TAF4: variants seen among roughly 807,000 people sequenced by gnomAD.
TAF4 encodes the protein TATA-box binding protein associated factor 4.
TAF4 carries 9 observed loss-of-function variants against 90.3 expected under a neutral mutation model. The ratio of observed to expected loss-of-function variants is 0.10; its 90% CI spans 0.06 to 0.17. TAF4 has a LOEUF of 0.17. Ranked by LOEUF, TAF4 falls within the 10% of genes least tolerant of loss-of-function variation. The pLI is 1.00. For missense variants in TAF4, 1,351 were observed against 1,370.7 expected (o/e 0.99, Z 0.23); for synonymous variants, 818 against 638.9 (o/e 1.28, Z -4.23).
At chr20:62,040,966 G>C (rs1415568559) in intron 1 of TAF4, among the ~76,000 whole-genome samples, 1 of 152,242 alleles carries the variant, frequency 6.6e-6, no homozygotes, top group Non-Finnish European at 1.5e-5. Context: ...CAAATGTATA[G>C]CGTACATCCA....
At chr20:62,037,225 A>G (rs2055937328) in intron 1 of TAF4, among the ~76,000 whole-genome samples, 1 of 152,164 alleles carries the variant, frequency 6.6e-6, no homozygotes, top group Non-Finnish European at 1.5e-5. Flanking sequence ...GTCCCTTCTC[A>G]ACGCTTCTGT....
chr20:62,052,368 G>A (rs189143742), intron 1 of TAF4, among the ~76,000 whole-genome samples: 1 of 152,144 alleles, frequency 6.6e-6, no homozygotes, highest in Non-Finnish European at 1.5e-5. Flanking sequence ...CAAAGAAACT[G>A]TCCTTTGACC....
chr20:62,009,670 A>G (rs752936701), intron 4 of TAF4, among the ~76,000 whole-genome samples: 3 of 152,100 alleles, frequency 2.0e-5, no homozygotes, highest in Non-Finnish European at 4.4e-5. Flanking sequence ...TACACACTGA[A>G]CACAACAGTT....
chr20:62,012,971 G>T (rs2055788356), intron 2 of TAF4, 37 bp from the exon 3 acceptor site: 2 of 1,609,434 alleles, frequency 1.2e-6, no homozygotes, highest in Non-Finnish European at 1.7e-6. Flanking sequence ...ACGAGCGCAA[G>T]TAAAAGGAAT....
chr20:62,043,174 G>C (rs1315944211), intron 1 of TAF4, among the ~76,000 whole-genome samples: 2 of 152,122 alleles, frequency 1.3e-5, no homozygotes, highest in Admixed American at 6.5e-5. Flanking sequence ...AAATTAGCCC[G>C]GCATGGTGGC....
At chr20:61,988,604 CT>C (rs1255610571) in intron 14 of TAF4, among the ~76,000 whole-genome samples, 1 of 152,206 alleles carries the variant, frequency 6.6e-6, no homozygotes, top group East Asian at 1.9e-4. Context: ...TGAGCATCAT[CT>C]TTGATGAAGA....
chr20:61,989,457 A>C (rs1268491584), intron 14 of TAF4, among the ~76,000 whole-genome samples: 4 of 152,110 alleles, frequency 2.6e-5, no homozygotes, highest in African/African-American at 7.2e-5. Flanking sequence ...CCCACCAAAC[A>C]CAACAGGGGT....
intron 1 of TAF4, among the ~76,000 whole-genome samples, chr20:62,040,347 C>A (rs1475342617): frequency 6.6e-6 from 1 of 152,246 alleles, no homozygotes; most frequent in Non-Finnish European, 1.5e-5. Flanking sequence ...GCAGAAGTAT[C>A]CCGCCAAGGG....
intron 14 of TAF4, among the ~76,000 whole-genome samples, chr20:61,981,918 C>T (rs1250684844): frequency 6.9e-6 from 1 of 145,498 alleles, no homozygotes; most frequent in Non-Finnish European, 1.5e-5. Context: ...ACACCCCACC[C>T]GATAGGAGAC....
Position 62,064,771 on chromosome 20 carries a change from G to T in TAF4, c.1040C>A (p.Pro347His). ...GGGCGCCGCCTGCACCACCCTCTTGGGCGACTCGGCCTTGACCCCCGGCGC... is the reference window on the plus strand; with the variant it reads ...GGGCGCCGCCTGCACCACCCTCTTGTGCGACTCGGCCTTGACCCCCGGCGC... ...APAPGVKAES[P>H]KRVVQAAPPA... The change falls in exon 1 of 15, where the codon CCC becomes CAC. Residue 347 changes from proline to histidine, a missense_variant. Around this residue, in one of 9 missense-constraint regions of TAF4, gnomAD observed 782 missense variants for 536.6 expected, o/e 1.46. Transcript: ENST00000252996. 1 of 1,126,578 alleles carries T rather than the reference G, an allele frequency of 8.9e-7. No individual in the cohort carries two copies. Among genetic ancestry groups the T allele is most frequent in the South Asian group, 4.0e-5 (1 of 24,714 alleles). 69.8% of individuals were successfully genotyped at this position (1,126,578 alleles called of 1,614,324 possible).
At chr20:62,045,833 C>A (rs996553599) in intron 1 of TAF4, among the ~76,000 whole-genome samples, 3 of 152,208 alleles carry the variant, frequency 2.0e-5, no homozygotes, top group Non-Finnish European at 2.9e-5. Flanking sequence ...ACAGAACTGA[C>A]GCTCGGGGTA....
At chr20:62,030,942 A>G (rs552946494) in intron 1 of TAF4, among the ~76,000 whole-genome samples, 22 of 152,232 alleles carry the variant, frequency 1.4e-4, no homozygotes, top group Admixed American at 3.3e-4. Flanking sequence ...CACTTGCCCA[A>G]CTGCACCTGA....
At position 62,065,557 on chromosome 20, in the gene TAF4, G is replaced by A. The variant is rs1226129692; in HGVS notation, c.254C>T (p.Ala85Val). The stretch of plus-strand genomic sequence containing the variant: ...ACCTGCGGGGGGCGGCTCCGGCGCC[G>A]CTCCGGGCGCGCCCTCGGCGGGGGC... The part of the protein sequence containing the change: ...PAAPAEGAPG[A>V]APEPPPAGRA... Residue 85 changes from alanine to valine, a missense_variant, in exon 1 of 15, where the codon GCG becomes GTG. Ala to Val is a moderately conservative substitution (Grantham distance 64). Transcript: ENST00000252996. 1.1e-5 allele frequency: 11 copies of A among 977,730 alleles called. No individual in the cohort carries two copies. The African/African-American group carries it at 1.3e-4, about 11-fold the overall frequency. 60.6% of individuals were successfully genotyped at this position (977,730 alleles called of 1,614,324 possible). A position where few individuals can be genotyped will look rare whatever the true frequency, so the allele number is the denominator to read the frequency against.
rs2055745568 is a variant in TAF4, at chr20:62,006,457, C to T, written c.2223+53G>A. 2.2e-6 allele frequency: 3 copies of T among 1,361,342 alleles called. No homozygotes were observed. Among genetic ancestry groups the T allele is most frequent in the Admixed American group, 3.0e-5 (1 of 33,060 alleles). 84.3% of individuals were successfully genotyped at this position (1,361,342 alleles called of 1,614,324 possible). On this transcript the variant is annotated intron_variant, in intron 7 of 14. Coordinates refer to ENST00000252996, the MANE Select transcript of TAF4 (RefSeq NM_003185.4). The surrounding 1 kb of genome is among the most constrained non-coding windows in gnomAD (Gnocchi z 7.0). ...GTGGCCAATTTATCTAAGAAGCGGG[C>T]GGGAGCAGAGGCACGGTGGGCTGTG... is the stretch of plus-strand genomic sequence containing the variant.
intron 1 of TAF4, among the ~76,000 whole-genome samples, chr20:62,017,481 A>T (rs2055818662): frequency 6.9e-6 from 1 of 145,944 alleles, no homozygotes; most frequent in South Asian, 2.1e-4. Context: ...TACTAAAAAT[A>T]CAAAAAAAAA....
Position 62,014,603 on chromosome 20 carries a change from C to T in TAF4, c.1465G>A (p.Ala489Thr), listed in dbSNP as rs780891295. ...QAHAQPQTTM[A>T]PRPATPTSAP... Reference sequence around the variant, plus strand: ...CTTGTGGGGGTGGCAGGGCGAGGCGCCATGGTGGTCTGAGGCTGGGCATGG... The same window carrying T: ...CTTGTGGGGGTGGCAGGGCGAGGCGTCATGGTGGTCTGAGGCTGGGCATGG... Residue 489 changes from alanine to threonine, a missense_variant, in exon 2 of 15, where the codon GCG becomes ACG. Physicochemically the swap from Ala to Thr is moderately conservative, Grantham distance 58 (BLOSUM62 0). This residue lies in a region of TAF4 where 143 missense variants were observed against 176.3 expected (regional missense o/e 0.81). Transcript: ENST00000252996. 20 of 1,613,872 alleles carry T rather than the reference C, an allele frequency of 1.2e-5. No homozygotes were observed. The highest frequency in any genetic ancestry group is 1.7e-5 in the Non-Finnish European group (20 of 1,179,972).
Position 62,006,732 on chromosome 20 carries a change from C to A in TAF4, c.2001G>T (p.Leu667=). The A allele has an allele frequency of 6.5e-7, 1 of 1,543,824 alleles. No individual in the cohort carries two copies. ...GGATGAAGGCCGCGGAGTCGGGGGT[C>A]AGCTGTCTCAAGGCGGGTAAGCTCC... ...LKRSLPALRQ[L]TPDSAAFIQQ... is the part of the protein sequence containing the mutation. Residue 667 remains leucine (L), a synonymous_variant, in exon 7 of 15, where the codon CTG becomes CTT. Transcript: ENST00000252996. The surrounding 1 kb of genome is among the most constrained non-coding windows in gnomAD (Gnocchi z 7.0).
chr20:62,008,922 C>T (rs532664364), intron 5 of TAF4, 130 bp downstream of exon 5: 75 of 1,277,938 alleles, frequency 5.9e-5, no homozygotes, highest in Admixed American at 4.2e-4. Context: ...CCCTCCCCTT[C>T]GCCTGCAGCC....
chr20:62,002,411 C>T (rs745807700), intron 9 of TAF4, among the ~76,000 whole-genome samples: 14 of 152,208 alleles, frequency 9.2e-5, no homozygotes, highest in Non-Finnish European at 1.8e-4. Flanking sequence ...CAAGACTCTC[C>T]CACTGCTCAG....
Sources: allele counts gnomAD v4.1 joint callset (sites outside exome capture counted in the v4.1 genomes callset), GRCh38; gene constraint gnomAD v4.1.1; regional missense constraint gnomAD v4.1.1; non-coding constraint Gnocchi (gnomAD v3.1); transcripts MANE v1.5; gene names NCBI Gene and HGNC (gene_info 2026-07-23, HGNC 2026-07-21).